Variants in NRCAM observed in about 807,000 individuals in gnomAD.
NRCAM encodes the protein neuronal cell adhesion molecule.
Under a neutral mutation model 156.5 loss-of-function variants are expected in NRCAM, and 83 were observed. The ratio of observed to expected loss-of-function variants is 0.53; its 90% CI spans 0.44 to 0.64. The LOEUF (loss-of-function observed/expected upper bound fraction) is 0.64, where lower values mean the gene tolerates loss of function less well. Among genes scored for constraint, NRCAM ranks in the 30% least tolerant of loss-of-function variants. The pLI, the probability that NRCAM is intolerant of heterozygous loss-of-function variation, is 0.00. For missense variants in NRCAM, 1,417 were observed against 1,597.3 expected (o/e 0.89, Z 1.92); for synonymous variants, 538 against 563.9 (o/e 0.95, Z 0.65).
At chr7:108,214,414 T>C (rs2086647581) in intron 11 of NRCAM, among the ~76,000 whole-genome samples, 1 of 152,202 alleles carries the variant, frequency 6.6e-6, no homozygotes, top group Non-Finnish European at 1.5e-5. Context: ...CTATACTCTA[T>C]ATGGTGGTAG....
In NRCAM at chr7:108,404,936, A is replaced by G. The variant is rs117480088; in HGVS notation, c.-331-5343T>C. ...TTCTTCTCTTGGAAATCTTGTGAGGAGACATTGGCATCAGAGATGAGAAAA... is the reference window on the plus strand; with the variant it reads ...TTCTTCTCTTGGAAATCTTGTGAGGGGACATTGGCATCAGAGATGAGAAAA... On this transcript the variant is annotated intron_variant, in intron 1 of 32. Transcript: ENST00000379028. Among the ~76,000 whole-genome samples the G allele has an allele frequency of 5.0e-3, 757 of 152,294 alleles. 2 individuals carry two copies. The highest frequency in any genetic ancestry group is 8.7e-3 in the Non-Finnish European group (595 of 68,028).
intron 1 of NRCAM, among the ~76,000 whole-genome samples, chr7:108,424,279 T>C (rs6466227): frequency 0.9 from 136,848 of 152,238 alleles, 61,982 homozygotes; most frequent in East Asian, 1. Context: ...CTCAGTCCCA[T>C]GTAGTCTTCC....
intron 11 of NRCAM, among the ~76,000 whole-genome samples, chr7:108,215,388 A>AT (rs1308291236): frequency 1.6e-4 from 24 of 150,638 alleles, no homozygotes; most frequent in African/African-American, 2.2e-4. Flanking sequence ...AATTTTTTGT[A>AT]TTTTTTTTAG....
At chr7:108,290,118 A>G (rs2098240933) in intron 3 of NRCAM, among the ~76,000 whole-genome samples, 1 of 152,178 alleles carries the variant, frequency 6.6e-6, no homozygotes, top group Non-Finnish European at 1.5e-5. Flanking sequence ...AAAGCCAACA[A>G]AGGTTAACAT....
At chr7:108,414,188 T>C (rs552530747) in intron 1 of NRCAM, among the ~76,000 whole-genome samples, 12 of 152,186 alleles carry the variant, frequency 7.9e-5, no homozygotes, top group African/African-American at 2.9e-4. Context: ...AGCTAAAAGA[T>C]CAATTCCTTG....
rs796191425 is a variant in NRCAM at position 108,307,680 on chromosome 7, C to CAA, written c.-107+4983_-107+4984dup. Among the ~76,000 whole-genome samples the CAA allele has an allele frequency of 1.0e-4, 13 of 127,216 alleles. No homozygotes were observed. The East Asian group carries it at 1.1e-3, about 10-fold the overall frequency. The allele number at this position is 127,216 out of a possible 152,430, so 83.5% of individuals were successfully genotyped here. ...CAAAATAAAAGAAAACAAAGCAAAG[C>CAA]AAAAAAAAAAAAACCCAAGCATCTA... On this transcript the variant is annotated intron_variant, in intron 3 of 32. Transcript: ENST00000379028.
intron 2 of NRCAM, among the ~76,000 whole-genome samples, chr7:108,337,734 TGGAAGCAGCCTGCCACCATCTG>T (rs1247219988): frequency 1.3e-5 from 2 of 152,024 alleles, no homozygotes; most frequent in African/African-American, 4.8e-5. Context: ...GCCACCATCT[TGGAAGCAGCCTGCCACCATCTG>T]GGAAGCGGCC....
intron 1 of NRCAM, among the ~76,000 whole-genome samples, chr7:108,422,848 AGT>A (rs1811977048): frequency 6.6e-6 from 1 of 152,190 alleles, no homozygotes; most frequent in African/African-American, 2.4e-5. Context: ...CACGTTCTGT[AGT>A]GAAAGAGTTA....
intron 26 of NRCAM, among the ~76,000 whole-genome samples, chr7:108,177,696 TAC>T (rs59807888): frequency 0.074 from 1,473 of 19,790 alleles, 30 homozygotes; most frequent in Admixed American, 0.11. Context: ...TATATATATA[TAC>T]ACGTATATAT....
At chr7:108,404,200 G>A (rs774249276) in intron 1 of NRCAM, among the ~76,000 whole-genome samples, 6 of 152,142 alleles carry the variant, frequency 3.9e-5, no homozygotes, top group Non-Finnish European at 4.4e-5. Flanking sequence ...ACGAGTGAAT[G>A]TGTGAATTTC....
At chr7:108,376,279 A>T (rs961064947) in intron 2 of NRCAM, among the ~76,000 whole-genome samples, 1 of 152,150 alleles carries the variant, frequency 6.6e-6, no homozygotes, top group East Asian at 1.9e-4. Flanking sequence ...CATCCATTTC[A>T]TCACTGTCAT....
At chr7:108,225,780 C>T in intron 9 of NRCAM, 79 bp from the exon 10 acceptor site, 1 of 852,224 alleles carries the variant, frequency 1.2e-6, no homozygotes, top group Non-Finnish European at 2.1e-6. Context: ...TAAAAGCAAA[C>T]ATATGCAGCT....
At chr7:108,300,008 T>C (rs1305143388) in intron 3 of NRCAM, among the ~76,000 whole-genome samples, 2 of 152,158 alleles carry the variant, frequency 1.3e-5, no homozygotes, top group Admixed American at 6.5e-5. Flanking sequence ...TTAGAACATG[T>C]CTAGCACATG....
chr7:108,379,584 G>C (rs775247548), intron 2 of NRCAM, among the ~76,000 whole-genome samples: 1 of 152,008 alleles, frequency 6.6e-6, no homozygotes, highest in South Asian at 2.1e-4. Flanking sequence ...TACTTAAAAA[G>C]ATTTTAAAAT....
chr7:108,367,193 T>C (rs1440271162), intron 2 of NRCAM, among the ~76,000 whole-genome samples: 3 of 152,180 alleles, frequency 2.0e-5, no homozygotes, highest in African/African-American at 7.2e-5. Flanking sequence ...AGGTACCTGC[T>C]TGGATCCAAT....
At chr7:108,413,600 C>G (rs758225751) in intron 1 of NRCAM, among the ~76,000 whole-genome samples, 7 of 152,194 alleles carry the variant, frequency 4.6e-5, no homozygotes, top group African/African-American at 9.7e-5. Context: ...TTCCTTTACT[C>G]TGATCCTTCA....
intron 3 of NRCAM, among the ~76,000 whole-genome samples, chr7:108,299,114 A>AAAAGAAAGAAAGAAAG (rs1554479870): frequency 2.0e-4 from 5 of 25,484 alleles, no homozygotes; most frequent in Admixed American, 7.2e-4. Flanking sequence ...TCAAAAAAAA[A>AAAAGAAAGAAAGAAAG]AAAGAAAGAA....
At chr7:108,260,607 A>G (rs1230691748) in intron 3 of NRCAM, among the ~76,000 whole-genome samples, 1 of 152,108 alleles carries the variant, frequency 6.6e-6, no homozygotes, top group Non-Finnish European at 1.5e-5. Context: ...TGCTTGGTCT[A>G]AGATTCACCC....
chr7:108,447,390 C>T (rs989563284), intron 1 of NRCAM, among the ~76,000 whole-genome samples: 7 of 151,364 alleles, frequency 4.6e-5, no homozygotes, highest in East Asian at 2.0e-4. Flanking sequence ...CTCAGCCTCC[C>T]GAGTAGCTGG....
Sources: allele counts gnomAD v4.1 joint callset (sites outside exome capture counted in the v4.1 genomes callset), GRCh38; gene constraint gnomAD v4.1.1; transcripts MANE v1.5; gene names NCBI Gene and HGNC (gene_info 2026-07-23, HGNC 2026-07-21).